Variants in POM121C observed in about 807,000 individuals in gnomAD.
POM121C encodes nuclear envelope pore membrane protein POM 121C.
Under a neutral mutation model 66.4 loss-of-function variants are expected in POM121C, and 20 were observed. The observed-to-expected ratio is 0.30, with a 90% confidence interval of 0.21 to 0.44. The LOEUF is 0.44. Ranked by LOEUF, POM121C falls within the 20% of genes least tolerant of loss-of-function variation. POM121C has a pLI of 1.00. For synonymous variants in POM121C, 286 were observed against 528.0 expected (o/e 0.54, Z 6.28); for missense variants, 580 against 1,225.7 (o/e 0.47, Z 7.87).
At chr7:75,437,897 G>A (rs1205459534) in intron 6 of POM121C, among the ~76,000 whole-genome samples, 1 of 152,146 alleles carries the variant, frequency 6.6e-6, no homozygotes, top group African/African-American at 2.4e-5. Flanking sequence ...AGAATATTCT[G>A]GAAAATGCAT....
rs1485150521 is a variant in POM121C, at chr7:75,475,060, A to G, written c.-331+2T>C. 18 of 1,363,276 alleles carry G rather than the reference A, an allele frequency of 1.3e-5. 1 individual carries two copies. Among genetic ancestry groups the G allele is most frequent in the Non-Finnish European group, 1.9e-5 (18 of 956,004 alleles). 84.4% of individuals were successfully genotyped at this position (1,363,276 alleles called of 1,614,324 possible). On this transcript the variant is annotated splice_donor_variant, in intron 2 of 14. Coordinates refer to ENST00000615331, the MANE Select transcript of POM121C (RefSeq NM_001099415.3). LOFTEE classifies it low-confidence loss of function (5UTR_SPLICE). ...AGCATTCAGAAAGCAAGCTATCCTC[A>G]CCCAAGGAAACTAGATGGCTGTAGT...
chr7:75,478,624 A>T (rs1454306274), intron 1 of POM121C, among the ~76,000 whole-genome samples: 1 of 151,854 alleles, frequency 6.6e-6, no homozygotes, highest in African/African-American at 2.4e-5. Flanking sequence ...ATAGTACAAT[A>T]TCTGAGATGA....
intron 1 of POM121C, among the ~76,000 whole-genome samples, chr7:75,481,030 A>AATAT (rs201637708): frequency 0.089 from 12,251 of 136,952 alleles, 1,056 homozygotes; most frequent in African/African-American, 0.25. Context: ...TAGTTCAAAA[A>AATAT]ATATATATAT....
At chr7:75,430,127 A>G (rs117090822) in intron 7 of POM121C, among the ~76,000 whole-genome samples, 11,102 of 152,334 alleles carry the variant, frequency 0.073, 508 homozygotes, top group Non-Finnish European at 0.1. Flanking sequence ...AATCCCAATC[A>G]GTATCTCAAA....
chr7:75,431,321 G>A (rs587774213), intron 7 of POM121C, among the ~76,000 whole-genome samples: 3 of 151,952 alleles, frequency 2.0e-5, no homozygotes, highest in South Asian at 4.1e-4. Flanking sequence ...AATATAAACC[G>A]GGCTGGGTGC....
chr7:75,457,316 G>A (rs2116467370), intron 3 of POM121C, among the ~76,000 whole-genome samples: 1 of 143,902 alleles, frequency 6.9e-6, no homozygotes, highest in Admixed American at 7.1e-5. Context: ...TTGTTCTTTG[G>A]CCTCCTATAT....
chr7:75,450,215 C>T (rs1289964173), intron 3 of POM121C, among the ~76,000 whole-genome samples: 4 of 152,126 alleles, frequency 2.6e-5, no homozygotes, highest in Non-Finnish European at 5.9e-5. Context: ...TGGTCTGTGG[C>T]ATTTTGCTAT....
chr7:75,431,546 T>C (rs1306066240), intron 7 of POM121C, among the ~76,000 whole-genome samples: 1 of 127,700 alleles, frequency 7.8e-6, no homozygotes, highest in African/African-American at 3.1e-5. Context: ...GAGGTTGCCA[T>C]GAGCCAAGAT....
rs1554470074 is a variant in POM121C, at chr7:75,418,293, G to C, written c.*503C>G. Reference sequence around the variant, plus strand: ...GGTGAGGGACACAGCAGCAAGAAATGGGGAAACAGAGTCCCCAGAAGGGAC... The same window carrying C: ...GGTGAGGGACACAGCAGCAAGAAATCGGGAAACAGAGTCCCCAGAAGGGAC... On this transcript the variant is annotated 3_prime_UTR_variant, in exon 15 of 15. Transcript: ENST00000615331. 1 of 956,396 alleles carries C rather than the reference G, an allele frequency of 1.0e-6. No individual in the cohort carries two copies. The highest frequency in any genetic ancestry group is 4.8e-5 in the South Asian group (1 of 20,754). 59.2% of individuals were successfully genotyped at this position (956,396 alleles called of 1,614,324 possible).
intron 3 of POM121C, among the ~76,000 whole-genome samples, chr7:75,444,396 C>T (rs1554474506): frequency 6.6e-6 from 1 of 150,942 alleles, no homozygotes; most frequent in African/African-American, 2.4e-5. Flanking sequence ...ACTGCAGACT[C>T]CCTACTCAAG....
intron 3 of POM121C, among the ~76,000 whole-genome samples, chr7:75,472,342 G>A (rs1231823988): frequency 1.3e-5 from 2 of 151,634 alleles, no homozygotes; most frequent in Non-Finnish European, 2.9e-5. Flanking sequence ...CTGAAACCCC[G>A]TCTCTACTAA....
chr7:75,433,923 T>C (rs1350160717), intron 7 of POM121C, among the ~76,000 whole-genome samples: 1 of 152,232 alleles, frequency 6.6e-6, no homozygotes, highest in Admixed American at 6.5e-5. Context: ...AGTATGTGTG[T>C]AGGATAACTT....
intron 1 of POM121C, among the ~76,000 whole-genome samples, chr7:75,481,806 ACT>A (rs1554480163): frequency 6.6e-6 from 1 of 152,082 alleles, no homozygotes; most frequent in Non-Finnish European, 1.5e-5. Flanking sequence ...ACAGAGTGAG[ACT>A]CTGTCTCCAA....
chr7:75,424,732 C>A lies in POM121C; in HGVS notation c.769-104G>T, dbSNP rs1377434882. ...TCAGCACTCTGGGAGGCCAAGCCAG[C>A]TGGATCACTTGAGGTCAGGAGTTTG... On this transcript the variant is annotated intron_variant, in intron 10 of 14. Coordinates refer to ENST00000615331, the MANE Select transcript of POM121C (RefSeq NM_001099415.3). 15 of 1,477,462 alleles carry A rather than the reference C, an allele frequency of 1.0e-5. No individual in the cohort carries two copies. The African/African-American group carries it at 1.5e-4, about 15-fold the overall frequency. The allele number at this position is 1,477,462 out of a possible 1,614,324, so 91.5% of individuals were successfully genotyped here.
At position 75,446,995 on chromosome 7, in the gene POM121C, G is replaced by T. The variant is rs1247321588; in HGVS notation, c.-151-5348C>A. ...TGCACTCCAGCCTGGGCAACAGAGC[G>T]AGACTCCGTCTCAAAAAAAAAAAAA... On this transcript the variant is annotated intron_variant, in intron 3 of 14. Coordinates refer to ENST00000615331, the MANE Select transcript of POM121C (RefSeq NM_001099415.3). Among the ~76,000 whole-genome samples, 3 of 105,520 alleles carry T rather than the reference G, an allele frequency of 2.8e-5. No homozygotes were observed. The East Asian group carries it at 8.4e-4, about 29-fold the overall frequency. The allele number at this position is 105,520 out of a possible 152,430, so 69.2% of individuals were successfully genotyped here. A position where few individuals can be genotyped will look rare whatever the true frequency, so the allele number is the denominator to read the frequency against.
At chr7:75,472,380 G>A (rs1371205117) in intron 3 of POM121C, among the ~76,000 whole-genome samples, 2 of 151,890 alleles carry the variant, frequency 1.3e-5, no homozygotes, top group African/African-American at 2.4e-5. Flanking sequence ...GGGCGTGATG[G>A]TGCATGCCTG....
intron 3 of POM121C, among the ~76,000 whole-genome samples, chr7:75,447,704 TA>T (rs1248626932): frequency 2.6e-5 from 4 of 151,202 alleles, no homozygotes; most frequent in Admixed American, 2.0e-4. Flanking sequence ...CTGGGCAACA[TA>T]GTGAGACCCT....
At chr7:75,452,311 T>G (rs1423337048) in intron 3 of POM121C, among the ~76,000 whole-genome samples, 1 of 151,194 alleles carries the variant, frequency 6.6e-6, no homozygotes, top group African/African-American at 2.4e-5. Flanking sequence ...TACAAAAAAT[T>G]TAGCTGGGTG....
chr7:75,437,756 T>C, intron 6 of POM121C, 70 bp from the exon 7 acceptor site: 3 of 1,495,152 alleles, frequency 2.0e-6, no homozygotes, highest in East Asian at 2.3e-5. Flanking sequence ...TCCACGGTCA[T>C]GACATCTTTC....
Sources: allele counts gnomAD v4.1 joint callset (sites outside exome capture counted in the v4.1 genomes callset), GRCh38; gene constraint gnomAD v4.1.1; transcripts MANE v1.5; gene names NCBI Gene and HGNC (gene_info 2026-07-23, HGNC 2026-07-21).